Variants in ARHGAP45 observed in about 807,000 individuals in gnomAD.
The protein encoded by ARHGAP45 is Rho GTPase activating protein 45, also known as rho GTPase-activating protein 45.
Under a neutral mutation model 116.1 loss-of-function variants are expected in ARHGAP45, and 56 were observed. The observed-to-expected ratio is 0.48, with a 90% confidence interval of 0.39 to 0.60. ARHGAP45 has a LOEUF of 0.60. ARHGAP45 is among the 20% of genes least tolerant of loss of function. ARHGAP45 has a pLI of 0.00. For missense variants in ARHGAP45, 1,622 were observed against 1,601.0 expected (o/e 1.01, Z -0.22); for synonymous variants, 866 against 701.7 (o/e 1.23, Z -3.70).
intron 19 of ARHGAP45, chr19:1,082,614 G>A (rs1366332589): frequency 2.0e-5 from 11 of 545,272 alleles, no homozygotes; most frequent in Non-Finnish European, 3.5e-5. Context: ...CGGGGCGCGC[G>A]TGGCCAGAGC....
chr19:1,080,159 C>T (rs2043388135), intron 13 of ARHGAP45, 41 bp downstream of exon 13: 1 of 1,610,320 alleles, frequency 6.2e-7, no homozygotes, highest in African/African-American at 1.3e-5. Context: ...GCACAAGGCC[C>T]TGCCTGGGAG....
rs1002015077 is a variant in ARHGAP45, at chr19:1,086,197, A to G, written c.*191A>G. 39 of 599,860 alleles carry G rather than the reference A, an allele frequency of 6.5e-5. No individual in the cohort carries two copies. The highest frequency in any genetic ancestry group is 1.1e-4 in the Non-Finnish European group (36 of 337,836). 37.2% of individuals were successfully genotyped at this position (599,860 alleles called of 1,614,324 possible). A position where few individuals can be genotyped will look rare whatever the true frequency, so the allele number is the denominator to read the frequency against. On this transcript the variant is annotated 3_prime_UTR_variant, in exon 23 of 23. Transcript: ENST00000313093. ...CAGGAGCACGAGGGCCTTGCGGCAC[A>G]GGACTGTGCCCTGTGCTGTCCCCTG...
At position 1,085,820 on chromosome 19, in the gene ARHGAP45, G is replaced by A. The variant is rs1364107062; in HGVS notation, c.3225G>A (p.Glu1075=). Residue 1075 remains glutamate (E), a synonymous_variant, in exon 23 of 23, where the codon GAG becomes GAA. Transcript: ENST00000313093. ...CTTCTGGCAGCCACAGCGGCAGTGA[G>A]GAGCAGCTGGAGGCCACAGCCCGGG... ...EVASGSHSGS[E]EQLEATARED... 1 of 1,612,812 alleles carries A rather than the reference G, an allele frequency of 6.2e-7. No homozygotes were observed. Among genetic ancestry groups the A allele is most frequent in the African/African-American group, 1.3e-5 (1 of 74,968 alleles).
chr19:1,085,564 C>T, intron 22 of ARHGAP45, 96 bp from the exon 23 acceptor site: 2 of 909,022 alleles, frequency 2.2e-6, no homozygotes, highest in Non-Finnish European at 3.3e-6. Flanking sequence ...TCTCCCCCCT[C>T]TCCTGTCTCT....
chr19:1,086,315 T>C lies in ARHGAP45; in HGVS notation c.*309T>C, dbSNP rs13344749. The C allele has an allele frequency of 0.13, 40,359 of 320,908 alleles. 3,457 individuals are homozygous for C. Among genetic ancestry groups the C allele is most frequent in the African/African-American group, 0.28 (13,041 of 46,638 alleles). The allele number at this position is 320,908 out of a possible 1,614,324, so 19.9% of individuals were successfully genotyped here. On this transcript the variant is annotated 3_prime_UTR_variant, in exon 23 of 23. Transcript: ENST00000313093. The stretch of plus-strand genomic sequence containing the variant: ...ACAGGGCTGTGTGGATGGAGGAAGC[T>C]GTCCCTGCCCAGTGCATCCCCCAGG...
intron 2 of ARHGAP45, among the ~76,000 whole-genome samples, chr19:1,070,143 G>A (rs1003829664): frequency 6.6e-6 from 1 of 151,444 alleles, no homozygotes. Context: ...CTACAGGTGC[G>A]TGCCACCACA....
Position 1,084,311 on chromosome 19 carries a change from A to G in ARHGAP45, c.3029A>G (p.Tyr1010Cys). ...PYLEAGEAVV[Y>C]PLQEAAADGC... ...CTGGAGGCGGGCGAGGCGGTGGTCT[A>G]CCCGCTGCAGGAGGCGGCGGCGGAC... Residue 1010 changes from tyrosine (Y) to cysteine (C), a missense_variant, in exon 22 of 23, where the codon TAC becomes TGC. By Grantham distance (194) the Tyr-to-Cys change is radical (BLOSUM62 -2). This residue lies in a region of ARHGAP45 where 1,334 missense variants were observed against 1,263.8 expected (regional missense o/e 1.06). Coordinates refer to ENST00000313093, the MANE Select transcript of ARHGAP45 (RefSeq NM_012292.5). 1 of 1,611,460 alleles carries G rather than the reference A, an allele frequency of 6.2e-7. No individual in the cohort carries two copies. Among genetic ancestry groups the G allele is most frequent in the Non-Finnish European group, 8.5e-7 (1 of 1,178,932 alleles).
At position 1,067,488 on chromosome 19, in the gene ARHGAP45, C is replaced by T. The variant is rs1393059066; in HGVS notation, c.83C>T (p.Pro28Leu). ...CGCGCGGGAAGCCCCAGCCCGCAGC[C>T]CTCGGGGGTGAGTGGAGCCCGGGTG... Reference protein sequence around the residue: ...KNRAGSPSPQPSGELPRKDGA... With the variant: ...KNRAGSPSPQLSGELPRKDGA... The change falls in exon 1 of 23, where the codon CCC becomes CTC. Residue 28 changes from proline (P) to leucine (L), a missense_variant. By Grantham distance (98) the Pro-to-Leu change is moderately conservative. This residue lies in a region of ARHGAP45 where 279 missense variants were observed against 311.9 expected (regional missense o/e 0.89). Transcript: ENST00000313093. 1.9e-6 allele frequency: 3 copies of T among 1,600,682 alleles called. No individual in the cohort carries two copies. Among genetic ancestry groups the T allele is most frequent in the South Asian group, 1.1e-5 (1 of 89,426 alleles).
At chr19:1,079,668 G>C (rs750377032) in intron 11 of ARHGAP45, 35 bp from the exon 12 acceptor site, 3 of 1,609,378 alleles carry the variant, frequency 1.9e-6, no homozygotes, top group South Asian at 1.1e-5. Flanking sequence ...ACCCCGGGCT[G>C]AGGCCTCTCT....
At chr19:1,065,964 C>T (rs1341039205), upstream of ARHGAP45, 12 of 1,513,544 alleles carry the variant, frequency 7.9e-6, no homozygotes, top group South Asian at 2.5e-5. Flanking sequence ...AGGCCAGGGC[C>T]GGGCCAGAAG....
At chr19:1,085,510 T>TCCATCTCTCCTCTCTCTCC in intron 22 of ARHGAP45, 150 bp from the exon 23 acceptor site, 1 of 543,732 alleles carries the variant, frequency 1.8e-6, no homozygotes. Context: ...TTGTCTCTCC[T>TCCATCTCTCCTCTCTCTCC]CCATCTCTCC....
Position 1,080,685 on chromosome 19 carries a change from A to ACTT in ARHGAP45, c.1917_1919dup (p.Phe640dup). On this transcript the variant is annotated inframe_insertion, in exon 16 of 23. Transcript: ENST00000313093. ...AACAGTCCTGATTCCCGCCCAGGGG[A>ACTT]CTTTAAGAAGTTCGAGCGGACGTCA... 6.2e-7 allele frequency: 1 copy of ACTT among 1,613,126 alleles called. No individual in the cohort carries two copies. The highest frequency in any genetic ancestry group is 8.5e-7 in the Non-Finnish European group (1 of 1,179,800).
In ARHGAP45 at chr19:1,080,740, G is replaced by T; in HGVS notation, c.1971G>T (p.Glu657Asp). 1 of 1,613,598 alleles carries T rather than the reference G, an allele frequency of 6.2e-7. No individual in the cohort carries two copies. The highest frequency in any genetic ancestry group is 8.5e-7 in the Non-Finnish European group (1 of 1,179,960). The stretch of plus-strand genomic sequence containing the variant: ...GTGGTACCATGTCGTCCACGGAGGA[G>T]CTGGTGGACCCAGACGGTGGAGCCG... Reference protein sequence around the residue: ...SSSGTMSSTEELVDPDGGAGA... With the variant: ...SSSGTMSSTEDLVDPDGGAGA... The change falls in exon 16 of 23, where the codon GAG (glutamate) becomes GAT (aspartate). Residue 657 changes from glutamate (E) to aspartate (D), a missense_variant. Coordinates refer to ENST00000313093, the MANE Select transcript of ARHGAP45 (RefSeq NM_012292.5).
intron 19 of ARHGAP45, among the ~76,000 whole-genome samples, chr19:1,082,220 T>G (rs1304694216): frequency 1.5e-5 from 1 of 66,722 alleles, no homozygotes; most frequent in African/African-American, 6.8e-5. Context: ...GGGTGGGGCT[T>G]GGTCAGCACG....
chr19:1,071,137 C>T lies in ARHGAP45; in HGVS notation c.422-2012C>T. The T allele has an allele frequency of 7.9e-7, 1 of 1,266,858 alleles. No individual in the cohort carries two copies. 78.5% of individuals were successfully genotyped at this position (1,266,858 alleles called of 1,614,324 possible). A position where few individuals can be genotyped will look rare whatever the true frequency, so the allele number is the denominator to read the frequency against. ...CGAAGCTCTGCGGTTAAGGAAGGAC[C>T]CAGGCTGGGGCGAACGGGACCCCAG... On this transcript the variant is annotated intron_variant, in intron 2 of 22. Transcript: ENST00000313093. This position sits in a 1 kb window ranked among gnomAD's most constrained non-coding sequence, Gnocchi z 4.6.
upstream of ARHGAP45, among the ~76,000 whole-genome samples, chr19:1,066,333 C>A (rs1248797233): frequency 6.6e-6 from 1 of 152,108 alleles, no homozygotes; most frequent in Non-Finnish European, 1.5e-5. Context: ...GCAGATGCCC[C>A]AGCTCTTGGC....
rs1233548514 is a variant in ARHGAP45, at chr19:1,079,716, T to C, written c.1388T>C (p.Met463Thr). The C allele has an allele frequency of 6.2e-7, 1 of 1,612,556 alleles. No individual in the cohort carries two copies. The highest frequency in any genetic ancestry group is 2.2e-5 in the East Asian group (1 of 44,866). The change falls in exon 12 of 23, where the codon ATG becomes ACG. Residue 463 changes from methionine (M) to threonine (T), a missense_variant. Met to Thr is a moderately conservative substitution (Grantham distance 81). This residue lies in a region of ARHGAP45 where 1,334 missense variants were observed against 1,263.8 expected (regional missense o/e 1.06). Transcript: ENST00000313093. ...CCCCCACCGCAGGCGGAGGAAGCTA[T>C]GGCCACCTACCGCACCTGCGTGGCC... The part of the protein sequence containing the change: ...EEAKNKAEEA[M>T]ATYRTCVADA...
chr19:1,078,148 TTTTG>T, intron 11 of ARHGAP45, 103 bp downstream of exon 11: 1 of 1,030,028 alleles, frequency 9.7e-7, no homozygotes, highest in Non-Finnish European at 1.3e-6. Flanking sequence ...TTTTTTGTTT[TTTTG>T]TTTGTTTTTG....
At chr19:1,080,594 C>G in intron 15 of ARHGAP45, 47 bp downstream of exon 15, 1 of 1,608,112 alleles carries the variant, frequency 6.2e-7, no homozygotes, top group Non-Finnish European at 8.5e-7. Flanking sequence ...TGCCTCCTCT[C>G]CTGAGCCTCA....
Sources: gnomAD v4.1 joint callset for allele counts (sites outside exome capture counted in the v4.1 genomes callset) on GRCh38, gnomAD v4.1.1 for gene constraint, gnomAD v4.1.1 regional missense constraint, Gnocchi (gnomAD v3.1) non-coding constraint, MANE v1.5 for transcripts, NCBI Gene and HGNC (gene_info 2026-07-23, HGNC 2026-07-21) for gene names.